The following ANKFN1 variants were observed in gnomAD, a reference collection of about 807,000 sequenced individuals.
ANKFN1 encodes the protein ankyrin repeat and fibronectin type-III domain-containing protein 1.
Under a neutral mutation model 108.7 loss-of-function variants are expected in ANKFN1, and 74 were observed. That is an observed-to-expected ratio of 0.68 (90% confidence interval 0.56 to 0.83). The LOEUF (loss-of-function observed/expected upper bound fraction) is 0.83, where lower values mean the gene tolerates loss of function less well. Ranked by LOEUF, ANKFN1 falls within the 40% of genes least tolerant of loss-of-function variation. The pLI, the probability that ANKFN1 is intolerant of heterozygous loss-of-function variation, is 0.00. For missense variants in ANKFN1, 1,505 were observed against 1,382.3 expected (o/e 1.09, Z -1.41); for synonymous variants, 547 against 516.2 (o/e 1.06, Z -0.81).
intron 4 of ANKFN1, among the ~76,000 whole-genome samples, chr17:56,056,350 C>T (rs1904876909): frequency 6.8e-6 from 1 of 146,016 alleles, no homozygotes; most frequent in South Asian, 2.2e-4. Flanking sequence ...CCAAAAAAGA[C>T]CCTGAATAGT....
chr17:56,117,583 G>C (rs1356954347), intron 4 of ANKFN1, among the ~76,000 whole-genome samples: 1 of 152,092 alleles, frequency 6.6e-6, no homozygotes, highest in Non-Finnish European at 1.5e-5. Context: ...TTAAAGTTAG[G>C]CTTTCTGTTC....
intron 6 of ANKFN1, among the ~76,000 whole-genome samples, chr17:56,367,861 A>T (rs1488802769): frequency 6.6e-6 from 1 of 152,212 alleles, no homozygotes; most frequent in Non-Finnish European, 1.5e-5. Context: ...AGCCAAACTG[A>T]GTTCACCAAT....
intron 4 of ANKFN1, among the ~76,000 whole-genome samples, chr17:56,054,088 G>A (rs937331807): frequency 6.6e-6 from 1 of 152,200 alleles, no homozygotes; most frequent in Non-Finnish European, 1.5e-5. Context: ...TGGCTTGGAT[G>A]TGGGGAAAAG....
intron 4 of ANKFN1, among the ~76,000 whole-genome samples, chr17:56,089,170 CA>C (rs1393633201): frequency 6.6e-6 from 1 of 151,428 alleles, no homozygotes; most frequent in African/African-American, 2.4e-5. Context: ...GTTATCATGT[CA>C]AAACTTGCTT....
At chr17:56,392,829 A>G (rs1158730343) in intron 8 of ANKFN1, among the ~76,000 whole-genome samples, 2 of 152,158 alleles carry the variant, frequency 1.3e-5, no homozygotes, top group Non-Finnish European at 2.9e-5. Flanking sequence ...TAGAGGAACC[A>G]TATTTCAGAA....
At chr17:56,091,082 C>G (rs188687256) in intron 4 of ANKFN1, among the ~76,000 whole-genome samples, 1 of 151,202 alleles carries the variant, frequency 6.6e-6, no homozygotes, top group African/African-American at 2.4e-5. Context: ...CTCCCAGAAG[C>G]TGGTCCAAAG....
intron 3 of ANKFN1, among the ~76,000 whole-genome samples, chr17:56,308,349 G>A (rs2044905132): frequency 6.6e-6 from 1 of 151,928 alleles, no homozygotes; most frequent in South Asian, 2.1e-4. Context: ...TTGCATCCAT[G>A]TAGTCATTAC....
At chr17:56,304,305 TG>T (rs1340721196) in intron 3 of ANKFN1, among the ~76,000 whole-genome samples, 7 of 152,306 alleles carry the variant, frequency 4.6e-5, no homozygotes, top group Admixed American at 6.5e-5. Context: ...CTCATCAGGG[TG>T]GTTATGTGTA....
At chr17:56,309,549 T>C (rs778322892) in intron 3 of ANKFN1, among the ~76,000 whole-genome samples, 9 of 152,184 alleles carry the variant, frequency 5.9e-5, no homozygotes, top group Non-Finnish European at 8.8e-5. Flanking sequence ...AGATTTCTGC[T>C]CTTTTTTTGA....
intron 11 of ANKFN1, 109 bp downstream of exon 11, chr17:56,449,295 A>G (rs2049407112): frequency 1.4e-6 from 1 of 726,458 alleles, no homozygotes; most frequent in Non-Finnish European, 2.2e-6. Flanking sequence ...GGAGAGAGAT[A>G]TTAATATTTG....
At chr17:56,436,706 C>T (rs2048941306) in intron 8 of ANKFN1, among the ~76,000 whole-genome samples, 2 of 151,610 alleles carry the variant, frequency 1.3e-5, no homozygotes, top group African/African-American at 4.8e-5. Flanking sequence ...GGTGCATGCC[C>T]GTAATCCGAG....
At chr17:56,077,562 C>A (rs750622636) in intron 4 of ANKFN1, among the ~76,000 whole-genome samples, 1 of 152,180 alleles carries the variant, frequency 6.6e-6, no homozygotes, top group Non-Finnish European at 1.5e-5. Context: ...TTTGGACTGG[C>A]CTTCTGGCTC....
intron 4 of ANKFN1, among the ~76,000 whole-genome samples, chr17:56,068,959 T>A (rs1238540142): frequency 6.6e-6 from 1 of 152,154 alleles, no homozygotes; most frequent in Non-Finnish European, 1.5e-5. Flanking sequence ...CTCAATGAAT[T>A]AGATATATAG....
At chr17:56,185,372 A>C (rs926447308) in intron 1 of ANKFN1, among the ~76,000 whole-genome samples, 6 of 152,174 alleles carry the variant, frequency 3.9e-5, no homozygotes, top group African/African-American at 1.2e-4. Context: ...TTGAGACATA[A>C]ATCCCAGTTT....
intron 3 of ANKFN1, among the ~76,000 whole-genome samples, chr17:56,287,268 G>A (rs2044243946): frequency 6.6e-6 from 1 of 152,166 alleles, no homozygotes; most frequent in Non-Finnish European, 1.5e-5. Flanking sequence ...CGGAAAAGCA[G>A]CACAGTACTG....
chr17:56,265,607 A>G (rs2043628703), intron 3 of ANKFN1, among the ~76,000 whole-genome samples: 1 of 152,208 alleles, frequency 6.6e-6, no homozygotes, highest in Non-Finnish European at 1.5e-5. Flanking sequence ...GAAGCCAAGT[A>G]TAGGACTGTA....
At chr17:56,412,890 C>T (rs1047943762) in intron 8 of ANKFN1, among the ~76,000 whole-genome samples, 1 of 152,180 alleles carries the variant, frequency 6.6e-6, no homozygotes, top group Non-Finnish European at 1.5e-5. Flanking sequence ...CCAGAGAACC[C>T]TGACAGTGTC....
chr17:56,227,793 A>T (rs1916394778), intron 2 of ANKFN1, 124 bp from the exon 3 acceptor site: 2 of 754,460 alleles, frequency 2.7e-6, no homozygotes, highest in Non-Finnish European at 4.3e-6. Flanking sequence ...ATATATATTC[A>T]TCTGTAGGCT....
intron 8 of ANKFN1, among the ~76,000 whole-genome samples, chr17:56,404,764 C>T (rs1314185470): frequency 6.6e-6 from 1 of 152,088 alleles, no homozygotes; most frequent in Non-Finnish European, 1.5e-5. Context: ...GGTTGGTTTT[C>T]TGGTTCCTTC....
Sources: gnomAD v4.1 joint callset for allele counts (sites outside exome capture counted in the v4.1 genomes callset) on GRCh38, gnomAD v4.1.1 for gene constraint, MANE v1.5 for transcripts, NCBI Gene and HGNC (gene_info 2026-07-23, HGNC 2026-07-21) for gene names.